Variants in YARS1 observed in about 807,000 individuals in gnomAD.
YARS1 encodes the protein tyrosyl-tRNA synthetase 1.
In YARS1, 36 loss-of-function variants were observed where a neutral mutation model predicts 62.2. The observed-to-expected ratio is 0.58, with a 90% CI of 0.44 to 0.76. The LOEUF (loss-of-function observed/expected upper bound fraction) is 0.76. Among genes scored for constraint, YARS1 ranks in the 30% least tolerant of loss-of-function variants. YARS1 has a pLI of 0.00. For synonymous variants in YARS1, 234 were observed against 244.9 expected, an observed-to-expected ratio of 0.96 and a Z score of 0.42; for missense variants, 524 against 639.8, an observed-to-expected ratio of 0.82 and a Z score of 1.95.
At chr1:32,817,135 T>C (rs1638767848) in intron 1 of YARS1, 53 bp downstream of exon 1, 2 of 1,609,360 alleles carry the variant, frequency 1.2e-6, no homozygotes, top group Admixed American at 1.7e-5. Flanking sequence ...TCAAAATCAC[T>C]GAACCTCGGG....
chr1:32,782,619 G>T, intron 8 of YARS1, 80 bp from the exon 9 acceptor site: 1 of 1,593,726 alleles, frequency 6.3e-7, no homozygotes, highest in South Asian at 1.1e-5. Flanking sequence ...GTAGGATCAA[G>T]GGAGTTTTTC....
intron 6 of YARS1, 49 bp from the exon 7 acceptor site, chr1:32,787,124 T>C: frequency 6.2e-7 from 1 of 1,610,764 alleles, no homozygotes; most frequent in Non-Finnish European, 8.5e-7. Context: ...AAAATGAGAA[T>C]ATGCTCAACT....
Position 32,817,228 on chromosome 1 carries a change from C to T in YARS1, c.17G>A (p.Ser6Asn), listed in dbSNP as rs751101041. Residue 6 changes from serine to asparagine, a missense_variant, in exon 1 of 13, where the codon AGC becomes AAC. By Grantham distance (46) the Ser-to-Asn change is conservative (BLOSUM62 1). Coordinates refer to ENST00000373477, the MANE Select transcript of YARS1 (RefSeq NM_003680.4). MGDAP[S>N]PEEKLHLITR... Reference sequence around the variant, plus strand: ...GATAAGGTGCAGTTTCTCTTCAGGGCTGGGAGCGTCCCCCATGGCTCCGCT... The same window carrying T: ...GATAAGGTGCAGTTTCTCTTCAGGGTTGGGAGCGTCCCCCATGGCTCCGCT... The T allele has an allele frequency of 2.5e-6, 4 of 1,614,186 alleles. No homozygotes were observed. The highest frequency in any genetic ancestry group is 3.4e-6 in the Non-Finnish European group (4 of 1,180,030).
intron 12 of YARS1, among the ~76,000 whole-genome samples, chr1:32,777,381 G>C (rs1652902639): frequency 6.6e-6 from 1 of 152,100 alleles, no homozygotes; most frequent in African/African-American, 2.4e-5. Flanking sequence ...GGGAGGCCCA[G>C]GTGGGTGGAA....
intron 4 of YARS1, among the ~76,000 whole-genome samples, chr1:32,806,278 A>G (rs1638464689): frequency 6.6e-6 from 1 of 152,238 alleles, no homozygotes; most frequent in Non-Finnish European, 1.5e-5. Flanking sequence ...AGAATTACCA[A>G]AATGTAGCAC....
At chr1:32,815,175 C>T (rs1460403150) in intron 1 of YARS1, among the ~76,000 whole-genome samples, 1 of 152,074 alleles carries the variant, frequency 6.6e-6, no homozygotes, top group Admixed American at 6.6e-5. Flanking sequence ...ATGGTGAAAC[C>T]CCGTCTCTAC....
intron 12 of YARS1, among the ~76,000 whole-genome samples, chr1:32,777,073 A>G (rs1263226090): frequency 6.7e-6 from 1 of 149,886 alleles, no homozygotes; most frequent in East Asian, 2.0e-4. Context: ...CTCATTGCCC[A>G]GGCTGGAGTG....
intron 9 of YARS1, 110 bp downstream of exon 9, chr1:32,782,294 C>T: frequency 6.3e-7 from 1 of 1,586,886 alleles, no homozygotes; most frequent in Non-Finnish European, 8.6e-7. Context: ...CATTCCTGCA[C>T]TTCAGACCCC....
chr1:32,808,123 C>T (rs1472297204), intron 3 of YARS1, among the ~76,000 whole-genome samples: 2 of 151,952 alleles, frequency 1.3e-5, no homozygotes, highest in Non-Finnish European at 2.9e-5. Context: ...ACTCTGGTCT[C>T]GAATTCCTGA....
At chr1:32,805,248 GGAGAGGGGGAGAGGGGGAGAGGGA>G (rs1212046461) in intron 4 of YARS1, among the ~76,000 whole-genome samples, 78 of 106,608 alleles carry the variant, frequency 7.3e-4, no homozygotes, top group African/African-American at 2.6e-3. Context: ...GGGGAGAGGG[GGAGAGGGGGAGAGGGGGAGAGGGA>G]GAGAGGGAGA....
chr1:32,812,218 G>T (rs1368839993), intron 1 of YARS1, among the ~76,000 whole-genome samples: 1 of 152,136 alleles, frequency 6.6e-6, no homozygotes, highest in Non-Finnish European at 1.5e-5. Context: ...TCACTATGTT[G>T]CCCAGGCTGG....
At chr1:32,792,419 A>G (rs1415201857) in intron 5 of YARS1, among the ~76,000 whole-genome samples, 1 of 152,156 alleles carries the variant, frequency 6.6e-6, no homozygotes, top group Non-Finnish European at 1.5e-5. Context: ...TACAAACACA[A>G]TCCGGAGGGT....
intron 1 of YARS1, among the ~76,000 whole-genome samples, chr1:32,813,350 A>G (rs955064328): frequency 2.6e-5 from 4 of 152,074 alleles, no homozygotes; most frequent in Non-Finnish European, 2.9e-5. Context: ...ATGGAGTCTC[A>G]CTCTGTTGCC....
In YARS1 at chr1:32,776,667, A is replaced by T. The variant is rs1652869597; in HGVS notation, c.1477-576T>A. Among the ~76,000 whole-genome samples, 1 of 152,166 alleles carries T rather than the reference A, an allele frequency of 6.6e-6. No homozygotes were observed. Among genetic ancestry groups the T allele is most frequent in the South Asian group, 2.1e-4 (1 of 4,828 alleles). Reference sequence around the variant, plus strand: ...AAAAACCAAATAACCTCAATGTCTAATAAGAGTTTAGTTAGATTGCCGGGC... The same window carrying T: ...AAAAACCAAATAACCTCAATGTCTATTAAGAGTTTAGTTAGATTGCCGGGC... On this transcript the variant is annotated intron_variant, in intron 12 of 12. Coordinates refer to ENST00000373477, the MANE Select transcript of YARS1 (RefSeq NM_003680.4). This position sits in a 1 kb window ranked among gnomAD's most constrained non-coding sequence, Gnocchi z 4.0.
At chr1:32,798,732 G>C (rs1653683254) in intron 4 of YARS1, among the ~76,000 whole-genome samples, 1 of 152,194 alleles carries the variant, frequency 6.6e-6, no homozygotes, top group Admixed American at 6.5e-5. Context: ...TGAGGTAGGA[G>C]GATCACCTAA....
intron 4 of YARS1, among the ~76,000 whole-genome samples, chr1:32,799,714 T>C (rs769719759): frequency 6.6e-6 from 1 of 152,176 alleles, no homozygotes; most frequent in Non-Finnish European, 1.5e-5. Flanking sequence ...CCAATGTGAC[T>C]AGAGAACAAA....
intron 11 of YARS1, 89 bp from the exon 12 acceptor site, chr1:32,779,612 G>A: frequency 1.3e-6 from 2 of 1,562,562 alleles, no homozygotes; most frequent in Non-Finnish European, 1.8e-6. Context: ...TTTACACAGG[G>A]GCCCTGATGG....
chr1:32,785,413 A>G (rs1653191296), intron 8 of YARS1, among the ~76,000 whole-genome samples: 1 of 149,864 alleles, frequency 6.7e-6, no homozygotes, highest in Non-Finnish European at 1.5e-5. Context: ...GTGAGCCGAG[A>G]TCGTGCCACT....
intron 1 of YARS1, among the ~76,000 whole-genome samples, chr1:32,811,813 T>A (rs1638593304): frequency 6.6e-6 from 1 of 151,634 alleles, no homozygotes; most frequent in Non-Finnish European, 1.5e-5. Context: ...TCACCCTTGA[T>A]GTTGGGGAGT....
Sources: gnomAD v4.1 joint callset for allele counts (sites outside exome capture counted in the v4.1 genomes callset) on GRCh38, gnomAD v4.1.1 for gene constraint, Gnocchi (gnomAD v3.1) non-coding constraint, MANE v1.5 for transcripts, NCBI Gene and HGNC (gene_info 2026-07-23, HGNC 2026-07-21) for gene names.